The following LIPI variants were observed in gnomAD, a reference collection of about 807,000 sequenced individuals.
LIPI encodes the protein lipase member I.
Under a neutral mutation model 50.6 loss-of-function variants are expected in LIPI, and 59 were observed. The observed-to-expected ratio is 1.16, with a 90% CI of 0.94 to 1.45. LIPI has a LOEUF of 1.45. Ranked by LOEUF, LIPI falls within the 40% of genes most tolerant of loss-of-function variation. The pLI is 0.00. For missense variants in LIPI, 586 were observed against 536.3 expected, an observed-to-expected ratio of 1.09 and a Z score of -0.92; for synonymous variants, 203 against 178.2, an observed-to-expected ratio of 1.14 and a Z score of -1.11.
chr21:14,182,204 C>T (rs1175590996), intron 3 of LIPI, among the ~76,000 whole-genome samples: 1 of 152,092 alleles, frequency 6.6e-6, no homozygotes, highest in Non-Finnish European at 1.5e-5. Flanking sequence ...TGAATACCAT[C>T]TGGTCCTCTC....
chr21:14,116,334 C>T (rs191142791), intron 9 of LIPI, among the ~76,000 whole-genome samples: 16 of 152,112 alleles, frequency 1.1e-4, no homozygotes, highest in East Asian at 5.8e-4. Context: ...TGCGTAAGGC[C>T]GACAGGATTA....
intron 1 of LIPI, among the ~76,000 whole-genome samples, chr21:14,191,102 G>A (rs184931698): frequency 8.5e-5 from 13 of 152,178 alleles, no homozygotes. Flanking sequence ...AAATTAGCCA[G>A]ACATGGTGGT....
At chr21:14,158,409 C>CAA (rs939205142) in intron 7 of LIPI, among the ~76,000 whole-genome samples, 1 of 151,224 alleles carries the variant, frequency 6.6e-6, no homozygotes, top group Non-Finnish European at 1.5e-5. Flanking sequence ...TACAACATAT[C>CAA]AAAACACATG....
chr21:14,189,461 T>C (rs1227714126), intron 1 of LIPI, 42 bp from the exon 2 acceptor site: 8 of 1,551,204 alleles, frequency 5.2e-6, no homozygotes, highest in Middle Eastern at 1.9e-4. Context: ...ACTGGGATAG[T>C]ATTTTATTCC....
intron 1 of LIPI, among the ~76,000 whole-genome samples, chr21:14,200,661 A>G (rs796200133): frequency 2.4e-4 from 37 of 152,276 alleles, no homozygotes; most frequent in African/African-American, 8.9e-4. Context: ...AGAAAGAATC[A>G]GTATCATTAA....
intron 4 of LIPI, among the ~76,000 whole-genome samples, chr21:14,167,566 CT>C (rs1364371843): frequency 2.0e-5 from 3 of 152,230 alleles, no homozygotes; most frequent in African/African-American, 7.2e-5. Context: ...CGAAAATCCA[CT>C]GTTCTGCAGC....
chr21:14,188,914 T>A, intron 2 of LIPI, 120 bp downstream of exon 2: 2 of 880,476 alleles, frequency 2.3e-6, no homozygotes, highest in Admixed American at 2.0e-5. Flanking sequence ...TGTTAATGCT[T>A]ATGGGGAAAA....
intron 3 of LIPI, among the ~76,000 whole-genome samples, chr21:14,182,437 C>T (rs1462155230): frequency 1.3e-5 from 2 of 152,080 alleles, no homozygotes; most frequent in African/African-American, 2.4e-5. Context: ...AATAAAAATG[C>T]TAGGCTCATG....
At chr21:14,165,696 T>C (rs1271549349) in intron 5 of LIPI, among the ~76,000 whole-genome samples, 1 of 152,050 alleles carries the variant, frequency 6.6e-6, no homozygotes, top group Non-Finnish European at 1.5e-5. Flanking sequence ...AGTGTACACA[T>C]CTTTTCCTTC....
chr21:14,144,817 T>C lies in LIPI; in HGVS notation c.1119-18A>G, dbSNP rs2017843203. ...TGTTCTTTCTAGAGAGAAAATTTGATACACGCAGCATATTAATAATTTGAA... is the reference window on the plus strand; with the variant it reads ...TGTTCTTTCTAGAGAGAAAATTTGACACACGCAGCATATTAATAATTTGAA... On this transcript the variant is annotated intron_variant, in intron 8 of 9. Coordinates refer to ENST00000681601, the MANE Select transcript of LIPI (RefSeq NM_001302998.2). 4 of 1,493,524 alleles carry C rather than the reference T, an allele frequency of 2.7e-6. No individual in the cohort carries two copies. The highest frequency in any genetic ancestry group is 1.7e-5 in the Admixed American group (1 of 59,504). The allele number at this position is 1,493,524 out of a possible 1,614,324, so 92.5% of individuals were successfully genotyped here.
At chr21:14,169,645 A>C (rs2018820063) in intron 4 of LIPI, among the ~76,000 whole-genome samples, 1 of 152,238 alleles carries the variant, frequency 6.6e-6, no homozygotes. Flanking sequence ...GGCAGAAATA[A>C]AGATGTTGTT....
At chr21:14,138,186 C>T (rs1445850540) in intron 9 of LIPI, among the ~76,000 whole-genome samples, 1 of 150,564 alleles carries the variant, frequency 6.6e-6, no homozygotes, top group Non-Finnish European at 1.5e-5. Context: ...TGCACCTGAA[C>T]CCCCTAAACA....
At chr21:14,193,561 A>G (rs1362227064) in intron 1 of LIPI, among the ~76,000 whole-genome samples, 4 of 152,200 alleles carry the variant, frequency 2.6e-5, no homozygotes, top group Non-Finnish European at 4.4e-5. Flanking sequence ...AAGATATTCA[A>G]TGCAAAATGT....
intron 4 of LIPI, among the ~76,000 whole-genome samples, chr21:14,170,317 C>G (rs1463188749): frequency 1.3e-5 from 2 of 152,186 alleles, no homozygotes; most frequent in African/African-American, 4.8e-5. Flanking sequence ...CCTTCTGAAA[C>G]TATTCCAATC....
intron 3 of LIPI, among the ~76,000 whole-genome samples, chr21:14,185,734 G>A (rs2019429441): frequency 6.6e-6 from 1 of 151,846 alleles, no homozygotes; most frequent in Non-Finnish European, 1.5e-5. Flanking sequence ...ACAAAAATTA[G>A]CCGGTGTGGT....
At chr21:14,163,646 T>C (rs978059596) in intron 6 of LIPI, 123 bp from the exon 7 acceptor site, 23 of 650,052 alleles carry the variant, frequency 3.5e-5, no homozygotes, top group Non-Finnish European at 5.6e-5. Flanking sequence ...TGGATTTTGA[T>C]AACTTAAAAA....
At chr21:14,183,045 G>A (rs2019327236) in intron 3 of LIPI, among the ~76,000 whole-genome samples, 1 of 152,120 alleles carries the variant, frequency 6.6e-6, no homozygotes. Context: ...GAACAAAGCT[G>A]GAGGCATCAT....
At chr21:14,172,135 A>T (rs2018934990) in intron 4 of LIPI, among the ~76,000 whole-genome samples, 1 of 152,140 alleles carries the variant, frequency 6.6e-6, no homozygotes, top group Admixed American at 6.5e-5. Context: ...ATCACTGGCC[A>T]TCAGAGAAAT....
chr21:14,159,293 A>C (rs184734112), intron 7 of LIPI, among the ~76,000 whole-genome samples: 35 of 151,640 alleles, frequency 2.3e-4, no homozygotes, highest in Middle Eastern at 6.8e-3. Context: ...GTATTTTAAA[A>C]TACGCACTAA....
Sources: allele counts gnomAD v4.1 joint callset (sites outside exome capture counted in the v4.1 genomes callset), GRCh38; gene constraint gnomAD v4.1.1; transcripts MANE v1.5; gene names NCBI Gene and HGNC (gene_info 2026-07-23, HGNC 2026-07-21).